Variants in ERC1 observed in about 807,000 individuals in gnomAD.
The protein encoded by ERC1 is ELKS/RAB6-interacting/CAST family member 1.
In ERC1, 56 loss-of-function variants were observed where a neutral mutation model predicts 132.0. That is an observed-to-expected ratio of 0.42 (90% confidence interval 0.34 to 0.53). The LOEUF is 0.53. ERC1 is among the 20% of genes least tolerant of loss of function. The pLI, the probability that ERC1 is intolerant of heterozygous loss-of-function variation, is 0.03. For missense variants in ERC1, 1,202 were observed against 1,349.9 expected (o/e 0.89, Z 1.72); for synonymous variants, 478 against 476.1 (o/e 1.00, Z -0.05).
At chr12:1,184,335 A>T (rs909496756) in intron 11 of ERC1, among the ~76,000 whole-genome samples, 2 of 151,670 alleles carry the variant, frequency 1.3e-5, no homozygotes. Flanking sequence ...TATTTGTTAT[A>T]TTTTTAATTT....
intron 12 of ERC1, among the ~76,000 whole-genome samples, chr12:1,195,887 CTT>C (rs1315906191): frequency 1.5e-5 from 2 of 130,964 alleles, no homozygotes; most frequent in Non-Finnish European, 3.1e-5. Context: ...CCCCCCCCCC[CTT>C]TTTTTGTAAT....
intron 16 of ERC1, among the ~76,000 whole-genome samples, chr12:1,374,564 GAA>G (rs1329698131): frequency 6.6e-6 from 1 of 152,212 alleles, no homozygotes; most frequent in East Asian, 1.9e-4. Context: ...AAGTCATGAA[GAA>G]GCCCCACTGT....
At chr12:1,450,016 A>T (rs941253640) in intron 18 of ERC1, among the ~76,000 whole-genome samples, 1 of 152,180 alleles carries the variant, frequency 6.6e-6, no homozygotes, top group African/African-American at 2.4e-5. Flanking sequence ...CAGGTATAGT[A>T]TTGGAATCTG....
At chr12:1,429,877 A>G (rs1032449574) in intron 17 of ERC1, among the ~76,000 whole-genome samples, 1 of 152,236 alleles carries the variant, frequency 6.6e-6, no homozygotes, top group African/African-American at 2.4e-5. Context: ...GTTCGGGTGT[A>G]TGTCAATTAT....
intron 15 of ERC1, among the ~76,000 whole-genome samples, chr12:1,338,550 C>T (rs1021678601): frequency 3.9e-5 from 6 of 152,174 alleles, no homozygotes; most frequent in African/African-American, 1.4e-4. Context: ...TCTGCCATCT[C>T]AACCCGGTTC....
At chr12:1,399,229 C>T (rs2090815353) in intron 16 of ERC1, among the ~76,000 whole-genome samples, 1 of 151,962 alleles carries the variant, frequency 6.6e-6, no homozygotes, top group South Asian at 2.1e-4. Flanking sequence ...TGGGATTACA[C>T]GTGTGAGCCA....
chr12:1,353,834 A>G (rs751079669), intron 15 of ERC1, among the ~76,000 whole-genome samples: 1 of 152,222 alleles, frequency 6.6e-6, no homozygotes, highest in Non-Finnish European at 1.5e-5. Context: ...ACTACCCTCC[A>G]AAGTAGTAAC....
At chr12:1,115,040 C>T (rs1946301762) in intron 6 of ERC1, among the ~76,000 whole-genome samples, 1 of 152,136 alleles carries the variant, frequency 6.6e-6, no homozygotes, top group Non-Finnish European at 1.5e-5. Context: ...TTTGTTTCAT[C>T]AGTGACACCG....
intron 18 of ERC1, among the ~76,000 whole-genome samples, chr12:1,484,041 C>A (rs1165679622): frequency 6.7e-6 from 1 of 148,942 alleles, no homozygotes; most frequent in African/African-American, 2.5e-5. Flanking sequence ...CGTGGTGGCT[C>A]ACGCCTGTAA....
intron 2 of ERC1, among the ~76,000 whole-genome samples, chr12:1,036,374 C>CTT (rs759834824): frequency 2.1e-4 from 29 of 136,188 alleles, no homozygotes; most frequent in Non-Finnish European, 3.3e-4. Flanking sequence ...ATTAAATAAA[C>CTT]TTTTTTTTTT....
chr12:1,290,778 C>G (rs1171600412), intron 15 of ERC1, among the ~76,000 whole-genome samples: 1 of 148,834 alleles, frequency 6.7e-6, no homozygotes, highest in African/African-American at 2.5e-5. Context: ...CAGTTACCCT[C>G]GTTCTGTGAG....
At position 1,493,525 on chromosome 12, in the gene ERC1, T is replaced by C. The variant is rs2094334300; in HGVS notation, c.*3295T>C. 4.7e-5 allele frequency: 2 copies of C among 42,328 alleles called. No individual in the cohort carries two copies. The highest frequency in any genetic ancestry group is 4.9e-5 in the Non-Finnish European group (1 of 20,236). 2.6% of individuals were successfully genotyped at this position (42,328 alleles called of 1,614,324 possible). Reference sequence around the variant, plus strand: ...GCACTCCAGCCTGGGTGACAGAGACTCCATTTAAAAAAAAAAAAAAAAAAT... The same window carrying C: ...GCACTCCAGCCTGGGTGACAGAGACCCCATTTAAAAAAAAAAAAAAAAAAT... On this transcript the variant is annotated 3_prime_UTR_variant, in exon 19 of 19. Transcript: ENST00000360905.
chr12:1,157,452 G>A (rs186522555), intron 8 of ERC1, among the ~76,000 whole-genome samples: 11 of 152,070 alleles, frequency 7.2e-5, no homozygotes, highest in African/African-American at 2.7e-4. Flanking sequence ...ATATATTGCC[G>A]TAATGATTCA....
Position 1,296,443 on chromosome 12 carries a change from C to A in ERC1, c.2780+6431C>A, listed in dbSNP as rs191618969. Among the ~76,000 whole-genome samples the A allele has an allele frequency of 2.8e-3, 293 of 105,168 alleles. 1 individual carries two copies. Among genetic ancestry groups the A allele is most frequent in the Middle Eastern group, 0.013 (1 of 80 alleles). 69.0% of individuals were successfully genotyped at this position (105,168 alleles called of 152,430 possible). ...TTTTTTTTTTTTTGAGATGGAGTGT[C>A]GCTCTTGTCCCCCAGGCTGGAGTGC... On this transcript the variant is annotated intron_variant, in intron 15 of 18. Transcript: ENST00000360905.
At chr12:1,431,673 A>G (rs1461336333) in intron 17 of ERC1, among the ~76,000 whole-genome samples, 1 of 152,096 alleles carries the variant, frequency 6.6e-6, no homozygotes, top group Non-Finnish European at 1.5e-5. Context: ...CCATTTAGCC[A>G]ATGTTTTATT....
chr12:1,401,746 G>A (rs563793202), intron 16 of ERC1, among the ~76,000 whole-genome samples: 117 of 131,294 alleles, frequency 8.9e-4, no homozygotes, highest in African/African-American at 3.3e-3. Flanking sequence ...AAGGGAGGGC[G>A]GTAAAAAAAA....
intron 16 of ERC1, among the ~76,000 whole-genome samples, chr12:1,393,483 A>G (rs1327074538): frequency 6.6e-6 from 1 of 152,152 alleles, no homozygotes; most frequent in Non-Finnish European, 1.5e-5. Flanking sequence ...GCAGTGAGCT[A>G]TGATTGTGCT....
At chr12:1,010,684 T>TTA (rs1964539833) in intron 1 of ERC1, among the ~76,000 whole-genome samples, 2 of 151,588 alleles carry the variant, frequency 1.3e-5, no homozygotes, top group African/African-American at 4.8e-5. Context: ...CTAATTTTTT[T>TTA]TTATTATTAT....
At chr12:1,013,308 C>A (rs1471897968) in intron 1 of ERC1, among the ~76,000 whole-genome samples, 1 of 151,890 alleles carries the variant, frequency 6.6e-6, no homozygotes, top group East Asian at 1.9e-4. Context: ...GTGTTTATTT[C>A]TAAGTATCTA....
Sources: gnomAD v4.1 joint callset for allele counts (sites outside exome capture counted in the v4.1 genomes callset) on GRCh38, gnomAD v4.1.1 for gene constraint, MANE v1.5 for transcripts, NCBI Gene and HGNC (gene_info 2026-07-23, HGNC 2026-07-21) for gene names.